The following LRP1 variants were observed in gnomAD, a reference collection of about 807,000 sequenced individuals.
LRP1 encodes the protein LDL receptor related protein 1, also known as prolow-density lipoprotein receptor-related protein 1.
Under a neutral mutation model 541.5 loss-of-function variants are expected in LRP1, and 51 were observed. The ratio of observed to expected loss-of-function variants is 0.09; its 90% confidence interval spans 0.08 to 0.12. LRP1 has a LOEUF of 0.12. Ranked by LOEUF, LRP1 falls within the 10% of genes least tolerant of loss-of-function variation. The pLI, the probability that LRP1 is intolerant of heterozygous loss-of-function variation, is 1.00. For synonymous variants in LRP1, 2,219 were observed against 2,470.8 expected (o/e 0.90, Z 3.02); for missense variants, 3,878 against 6,376.2 (o/e 0.61, Z 13.34).
chr12:57,150,041 T>C (rs1283154699), intron 6 of LRP1: 1 of 423,272 alleles, frequency 2.4e-6, no homozygotes, highest in African/African-American at 2.0e-5. Flanking sequence ...TCAATAAATA[T>C]TTGTTCAATG....
Position 57,162,437 on chromosome 12 carries a change from G to A in LRP1, c.2323G>A (p.Ala775Thr), listed in dbSNP as rs34714459. The change falls in exon 14 of 89, where the codon GCA becomes ACA. Residue 775 changes from alanine to threonine, a missense_variant. Transcript: ENST00000243077. The surrounding 1 kb of genome is among the most constrained non-coding windows in gnomAD (Gnocchi z 5.2). ...CCGCTTGGAACGGGGTGTAGGAGGCGCACCCCCCACTGTGACCCTTCTGCG... is the reference window on the plus strand; with the variant it reads ...CCGCTTGGAACGGGGTGTAGGAGGCACACCCCCCACTGTGACCCTTCTGCG... The part of the protein sequence containing the change: ...VYRLERGVGG[A>T]PPTVTLLRSE... 5 of 1,614,026 alleles carry A rather than the reference G, an allele frequency of 3.1e-6. No homozygotes were observed. The highest frequency in any genetic ancestry group is 2.7e-5 in the African/African-American group (2 of 74,998).
intron 15 of LRP1, chr12:57,164,967 CT>C (rs996409342): frequency 2.0e-5 from 3 of 152,270 alleles, no homozygotes; most frequent in African/African-American, 7.2e-5. Flanking sequence ...GAGCCAGGAG[CT>C]AAAAACCCTT....
intron 44 of LRP1, 36 bp downstream of exon 44, chr12:57,191,548 G>C (rs367986307): frequency 3.9e-6 from 6 of 1,549,490 alleles, no homozygotes; most frequent in Non-Finnish European, 5.2e-6. Flanking sequence ...TCACCCTCCT[G>C]CCTGTCGTGC....
chr12:57,157,567 C>T (rs2035645528), intron 10 of LRP1, among the ~76,000 whole-genome samples: 3 of 152,124 alleles, frequency 2.0e-5, no homozygotes, highest in South Asian at 2.1e-4. Context: ...GCTGAGATGG[C>T]GCTACCACAC....
At chr12:57,132,668 A>G (rs1380063201) in intron 1 of LRP1, among the ~76,000 whole-genome samples, 1 of 151,412 alleles carries the variant, frequency 6.6e-6, no homozygotes, top group African/African-American at 2.4e-5. Context: ...GGCTTTTTAG[A>G]ACCTCTCTGT....
intron 55 of LRP1, among the ~76,000 whole-genome samples, chr12:57,196,778 AG>A (rs1469257045): frequency 6.6e-6 from 1 of 152,162 alleles, no homozygotes; most frequent in African/African-American, 2.4e-5. Flanking sequence ...TTCCATGGGG[AG>A]GGCACACGCA....
In LRP1 at chr12:57,180,145, C is replaced by T. The variant is rs781612135; in HGVS notation, c.5236+4C>T. ...AGTGGCCAGAAGGGCCCCGTGGGTACGAGCTTCCCTGCCCACCCCCACAGC... is the reference window on the plus strand; with the variant it reads ...AGTGGCCAGAAGGGCCCCGTGGGTATGAGCTTCCCTGCCCACCCCCACAGC... On this transcript the variant is annotated splice_donor_region_variant and intron_variant, in intron 31 of 88. Transcript: ENST00000243077. The T allele has an allele frequency of 3.7e-5, 59 of 1,612,976 alleles. 1 individual carries two copies. The highest frequency in any genetic ancestry group is 2.1e-4 in the South Asian group (19 of 91,064).
Position 57,177,975 on chromosome 12 carries a change from GTCTCGC to G in LRP1, c.4362-381_4362-376del, listed in dbSNP as rs1363271730. ...TTTTTTTTTTTTTTTTTGAGACAGAGTCTCGCTCCGTCGCCCAGGCTGGAGTGCAGT... is the reference window on the plus strand; with the variant it reads ...TTTTTTTTTTTTTTTTTGAGACAGAGTCCGTCGCCCAGGCTGGAGTGCAGT... On this transcript the variant is annotated intron_variant, in intron 26 of 88. Coordinates refer to ENST00000243077, the MANE Select transcript of LRP1 (RefSeq NM_002332.3). This position sits in a 1 kb window ranked among gnomAD's most constrained non-coding sequence, Gnocchi z 6.8. 7.0e-6 allele frequency among the ~76,000 whole-genome samples: 1 copy of G among 141,916 alleles called. No individual in the cohort carries two copies. The highest frequency in any genetic ancestry group is 7.2e-5 in the Admixed American group (1 of 13,938). The allele number at this position is 141,916 out of a possible 152,430, so 93.1% of individuals were successfully genotyped here. A position where few individuals can be genotyped will look rare whatever the true frequency, so the allele number is the denominator to read the frequency against.
At chr12:57,157,179 A>C (rs991373306) in intron 10 of LRP1, among the ~76,000 whole-genome samples, 1 of 152,242 alleles carries the variant, frequency 6.6e-6, no homozygotes, top group African/African-American at 2.4e-5. Context: ...CACTCACTAC[A>C]TGTTTGGCAC....
At chr12:57,196,424 A>C in intron 55 of LRP1, 147 bp downstream of exon 55, 1 of 802,832 alleles carries the variant, frequency 1.2e-6, no homozygotes, top group Non-Finnish European at 1.9e-6. Context: ...GTCTGCCTCT[A>C]TCTGGCAGGT....
In LRP1 at chr12:57,177,430, C is replaced by T. The variant is rs764501352; in HGVS notation, c.4200C>T (p.Ile1400=). 1.3e-6 allele frequency: 2 copies of T among 1,591,288 alleles called. No homozygotes were observed. The highest frequency in any genetic ancestry group is 4.5e-5 in the East Asian group (2 of 44,708). The part of the protein sequence containing the change: ...RAIALDPRDG[I]LFWTDWDASL... ...CTGACCCCTCCCCACTCCCCAGGAT[C>T]CTGTTTTGGACAGACTGGGATGCCA... is the stretch of plus-strand genomic sequence containing the variant. Residue 1400 remains isoleucine (I), a synonymous_variant, in exon 26 of 89, where the codon ATC becomes ATT. Transcript: ENST00000243077. The surrounding 1 kb of genome is among the most constrained non-coding windows in gnomAD (Gnocchi z 6.8).
At position 57,178,955 on chromosome 12, in the gene LRP1, A is replaced by G; in HGVS notation, c.4672A>G (p.Asn1558Asp). 3.7e-6 allele frequency: 6 copies of G among 1,614,052 alleles called. No individual in the cohort carries two copies. Among genetic ancestry groups the G allele is most frequent in the Non-Finnish European group, 5.1e-6 (6 of 1,179,982 alleles). ...CTCCCACCTGTGTCTCATCAACTAC[A>G]ACCGGACCGTGTCCTGCGCCTGCCC... Reference protein sequence around the residue: ...PCSHLCLINYNRTVSCACPHL... With the variant: ...PCSHLCLINYDRTVSCACPHL... The change falls in exon 28 of 89, where the codon AAC (asparagine) becomes GAC (aspartate). Residue 1558 changes from asparagine to aspartate, a missense_variant. By Grantham distance (23) the Asn-to-Asp change is conservative (BLOSUM62 1). Around this residue, in one of 13 missense-constraint regions of LRP1, gnomAD observed 394 missense variants for 635.9 expected, o/e 0.62. Coordinates refer to ENST00000243077, the MANE Select transcript of LRP1 (RefSeq NM_002332.3). The surrounding 1 kb of genome is among the most constrained non-coding windows in gnomAD (Gnocchi z 5.8).
At chr12:57,180,187 G>T in intron 31 of LRP1, 46 bp downstream of exon 31, 1 of 1,587,944 alleles carries the variant, frequency 6.3e-7, no homozygotes, top group South Asian at 1.1e-5. Context: ...CTAATTCCTT[G>T]ACCAGCAGGT....
At chr12:57,129,260 G>A (rs1162134539) in intron 1 of LRP1, among the ~76,000 whole-genome samples, 1 of 152,220 alleles carries the variant, frequency 6.6e-6, no homozygotes, top group East Asian at 1.9e-4. Context: ...AAAGACCAGA[G>A]GCCTGGGTAG....
rs146014667 is a variant in LRP1 at position 57,195,665 on chromosome 12, C to T, written c.8445C>T (p.Asn2815=). ...DESIAAGCLY[N]STCDDREFMC... is the part of the protein sequence containing the mutation. ...GTCCACCTCTGTCCACAGTGTACAA[C>T]AGCACTTGTGACGACCGTGAGTTCA... Residue 2815 remains asparagine, a synonymous_variant, in exon 53 of 89, where the codon AAC becomes AAT. Coordinates refer to ENST00000243077, the MANE Select transcript of LRP1 (RefSeq NM_002332.3). The T allele has an allele frequency of 3.3e-5, 53 of 1,613,988 alleles. No individual in the cohort carries two copies. Among genetic ancestry groups the T allele is most frequent in the Non-Finnish European group, 4.2e-5 (50 of 1,180,030 alleles).
intron 6 of LRP1, among the ~76,000 whole-genome samples, chr12:57,152,306 C>T (rs942653322): frequency 3.9e-5 from 6 of 152,026 alleles, no homozygotes; most frequent in South Asian, 4.2e-4. Context: ...GAAGGCCGGC[C>T]GTAGCTGCGC....
At chr12:57,148,502 G>C (rs1316389454) in intron 6 of LRP1, among the ~76,000 whole-genome samples, 1 of 152,078 alleles carries the variant, frequency 6.6e-6, no homozygotes, top group East Asian at 1.9e-4. Context: ...CTGTAACCCA[G>C]CTTTGTCCAG....
Position 57,128,600 on chromosome 12 carries a change from G to A in LRP1, c.-365G>A, listed in dbSNP as rs2034963420. On this transcript the variant is annotated 5_prime_UTR_variant, in exon 1 of 89. Coordinates refer to ENST00000243077, the MANE Select transcript of LRP1 (RefSeq NM_002332.3). ...CCAAAGGCTCCCCTACCCGGTCCAC[G>A]CCCCCCACCCCCCCTCCCCGCCTCC... 2 of 411,672 alleles carry A rather than the reference G, an allele frequency of 4.9e-6. No individual in the cohort carries two copies. The highest frequency in any genetic ancestry group is 9.3e-5 in the South Asian group (1 of 10,800). 25.5% of individuals were successfully genotyped at this position (411,672 alleles called of 1,614,324 possible).
chr12:57,139,968 A>G (rs1592602716), intron 2 of LRP1, among the ~76,000 whole-genome samples: 1 of 152,354 alleles, frequency 6.6e-6, no homozygotes, highest in South Asian at 2.1e-4. Flanking sequence ...ATCCAGGCAC[A>G]CATGGGTCAT....
Sources: gnomAD v4.1 joint callset for allele counts (sites outside exome capture counted in the v4.1 genomes callset) on GRCh38, gnomAD v4.1.1 for gene constraint, gnomAD v4.1.1 regional missense constraint, Gnocchi (gnomAD v3.1) non-coding constraint, MANE v1.5 for transcripts, NCBI Gene and HGNC (gene_info 2026-07-23, HGNC 2026-07-21) for gene names.